OPCML: variants seen among roughly 807,000 people sequenced by gnomAD.
OPCML encodes opioid binding protein/cell adhesion molecule like.
In OPCML, 13 loss-of-function variants were observed where a neutral mutation model predicts 37.8. The observed-to-expected ratio is 0.34, with a 90% confidence interval of 0.22 to 0.55. The LOEUF (loss-of-function observed/expected upper bound fraction) is 0.55. Ranked by LOEUF, OPCML falls within the 20% of genes least tolerant of loss-of-function variation. The pLI is 0.91. For synonymous variants in OPCML, 176 were observed against 168.8 expected, an observed-to-expected ratio of 1.04 and a Z score of -0.33; for missense variants, 341 against 435.6, an observed-to-expected ratio of 0.78 and a Z score of 1.93.
At chr11:132,428,484 G>A (rs1189010078) in intron 7 of OPCML, among the ~76,000 whole-genome samples, 2 of 152,188 alleles carry the variant, frequency 1.3e-5, no homozygotes, top group Non-Finnish European at 2.9e-5. Flanking sequence ...CCCAAAAGAT[G>A]AGGGATTGAT....
chr11:133,156,837 T>A (rs1025874662), intron 1 of OPCML, among the ~76,000 whole-genome samples: 1 of 152,106 alleles, frequency 6.6e-6, no homozygotes, highest in Non-Finnish European at 1.5e-5. Context: ...TTCGTTTTGT[T>A]GTTGCTGTAA....
intron 1 of OPCML, among the ~76,000 whole-genome samples, chr11:133,180,940 A>G (rs1051543361): frequency 2.6e-5 from 4 of 152,114 alleles, no homozygotes; most frequent in African/African-American, 4.8e-5. Context: ...AACTTTATTC[A>G]TAAGAGCCAG....
rs1033805496 is a variant in OPCML, at chr11:133,208,630, G to C, written c.62-265620C>G. Among the ~76,000 whole-genome samples, 2 of 152,130 alleles carry C rather than the reference G, an allele frequency of 1.3e-5. No individual in the cohort carries two copies. The highest frequency in any genetic ancestry group is 1.9e-4 in the East Asian group (1 of 5,192). ...ACATATTTGACATGCATCTCACCTC[G>C]AGTTATCCTTTGTCTGCTGTTAAGC... On this transcript the variant is annotated intron_variant, in intron 1 of 7. Transcript: ENST00000524381. This position sits in a 1 kb window ranked among gnomAD's most constrained non-coding sequence, Gnocchi z 8.9.
At chr11:133,425,502 C>T (rs1565627270) in intron 1 of OPCML, among the ~76,000 whole-genome samples, 1 of 152,210 alleles carries the variant, frequency 6.6e-6, no homozygotes, top group African/African-American at 2.4e-5. Context: ...TAGTTGAGCA[C>T]TGTTATTCAA....
intron 2 of OPCML, among the ~76,000 whole-genome samples, chr11:132,666,313 C>A (rs915414921): frequency 6.6e-6 from 1 of 152,056 alleles, no homozygotes. Flanking sequence ...AGAGAGGGAG[C>A]AAGAAAGACA....
chr11:132,852,515 G>A (rs2136332647), intron 2 of OPCML, among the ~76,000 whole-genome samples: 1 of 152,198 alleles, frequency 6.6e-6, no homozygotes, highest in South Asian at 2.1e-4. Flanking sequence ...GCAATAGTGG[G>A]TGGAACTTCT....
At chr11:133,264,942 G>T (rs566611439) in intron 1 of OPCML, among the ~76,000 whole-genome samples, 1 of 152,302 alleles carries the variant, frequency 6.6e-6, no homozygotes, top group South Asian at 2.1e-4. Flanking sequence ...AGGTTTAGTG[G>T]TTTTGTCTGC....
chr11:132,650,577 C>A (rs956569942), intron 3 of OPCML, among the ~76,000 whole-genome samples: 21 of 150,644 alleles, frequency 1.4e-4, no homozygotes, highest in Admixed American at 4.0e-4. Context: ...AATTGACATA[C>A]ACACACACAC....
intron 3 of OPCML, among the ~76,000 whole-genome samples, chr11:132,635,228 G>A (rs1485415279): frequency 6.6e-6 from 1 of 152,038 alleles, no homozygotes; most frequent in Non-Finnish European, 1.5e-5. Flanking sequence ...AAACTATGGA[G>A]TATGCTTACT....
At chr11:132,745,216 G>A (rs1306419253) in intron 2 of OPCML, among the ~76,000 whole-genome samples, 1 of 152,140 alleles carries the variant, frequency 6.6e-6, no homozygotes. Flanking sequence ...CAAGGCTTCT[G>A]AACCTGTGGT....
chr11:132,935,166 T>C (rs1266999313), intron 2 of OPCML, among the ~76,000 whole-genome samples: 1 of 151,780 alleles, frequency 6.6e-6, no homozygotes, highest in Non-Finnish European at 1.5e-5. Flanking sequence ...AGCTACATAT[T>C]TTAAAATTAA....
intron 1 of OPCML, among the ~76,000 whole-genome samples, chr11:133,146,821 C>A (rs1219017204): frequency 6.6e-6 from 1 of 152,166 alleles, no homozygotes; most frequent in African/African-American, 2.4e-5. Context: ...AGCACAGGCC[C>A]AGTAACATGA....
chr11:132,953,223 C>T (rs1565364207), intron 1 of OPCML, among the ~76,000 whole-genome samples: 1 of 152,110 alleles, frequency 6.6e-6, no homozygotes, highest in East Asian at 1.9e-4. Context: ...CTGCTACAGA[C>T]CAGGGCCCAG....
intron 1 of OPCML, among the ~76,000 whole-genome samples, chr11:133,336,249 G>A (rs945820636): frequency 2.0e-5 from 3 of 152,248 alleles, no homozygotes; most frequent in Admixed American, 2.0e-4. Flanking sequence ...TGGGATCTGG[G>A]GGATAAATGA....
At position 133,081,393 on chromosome 11, in the gene OPCML, G is replaced by C. The variant is rs564032384; in HGVS notation, c.62-138383C>G. ...ATTCCGCAACTTAGGAACTGAGGCT[G>C]ATGATTCTCTGCTTTCCCAATTCGT... is the stretch of plus-strand genomic sequence containing the variant. On this transcript the variant is annotated intron_variant, in intron 1 of 7. Coordinates refer to ENST00000524381, the MANE Select transcript of OPCML (RefSeq NM_001012393.5). Among the ~76,000 whole-genome samples, 292 of 152,328 alleles carry C rather than the reference G, an allele frequency of 1.9e-3. 2 individuals are homozygous for C. Among genetic ancestry groups the C allele is most frequent in the African/African-American group, 6.5e-3 (272 of 41,572 alleles).
chr11:132,769,960 C>A (rs1946582911), intron 2 of OPCML, among the ~76,000 whole-genome samples: 1 of 152,110 alleles, frequency 6.6e-6, no homozygotes, highest in Admixed American at 6.5e-5. Context: ...GGGGAGAAGA[C>A]TGGAAGGAAT....
At chr11:133,207,505 C>T (rs536159830) in intron 1 of OPCML, among the ~76,000 whole-genome samples, 1 of 152,234 alleles carries the variant, frequency 6.6e-6, no homozygotes. Flanking sequence ...TTCAGATCTG[C>T]CTGTAGCTCT....
chr11:133,166,994 G>A (rs1020338028), intron 1 of OPCML, among the ~76,000 whole-genome samples: 6 of 152,116 alleles, frequency 3.9e-5, no homozygotes, highest in African/African-American at 1.4e-4. Context: ...CCCATTATCA[G>A]TCTAGGGTTC....
intron 1 of OPCML, among the ~76,000 whole-genome samples, chr11:133,028,358 A>T (rs974694417): frequency 2.0e-5 from 3 of 152,128 alleles, no homozygotes; most frequent in African/African-American, 7.2e-5. Flanking sequence ...TCCTGAAGGT[A>T]GTTGTCAGGA....
Sources: gnomAD v4.1 joint callset for allele counts (sites outside exome capture counted in the v4.1 genomes callset) on GRCh38, gnomAD v4.1.1 for gene constraint, Gnocchi (gnomAD v3.1) non-coding constraint, MANE v1.5 for transcripts, NCBI Gene and HGNC (gene_info 2026-07-23, HGNC 2026-07-21) for gene names.